RGS19: variants seen among roughly 807,000 people sequenced by gnomAD.
The protein encoded by RGS19 is G alpha interacting protein.
RGS19 carries 9 observed loss-of-function variants against 22.0 expected under a neutral mutation model. The ratio of observed to expected loss-of-function variants is 0.41; its 90% CI spans 0.25 to 0.71. RGS19 has a LOEUF of 0.71. Among genes scored for constraint, RGS19 ranks in the 30% least tolerant of loss-of-function variants. The pLI is 0.32. For missense variants in RGS19, 256 were observed against 307.1 expected (o/e 0.83, Z 1.24); for synonymous variants, 130 against 127.3 (o/e 1.02, Z -0.14).
chr20:64,078,155 G>A lies in RGS19; in HGVS notation c.-69+1139C>T, dbSNP rs941924459. Among the ~76,000 whole-genome samples the A allele has an allele frequency of 3.3e-5, 5 of 152,248 alleles. No individual in the cohort carries two copies. The East Asian group carries it at 9.6e-4, about 29-fold the overall frequency. ...AATGGCCCTCAGAAGAGACAGTGCT[G>A]GAGTTCTGCACTCTTAGGGCCCCCA... is the stretch of plus-strand genomic sequence containing the variant. On this transcript the variant is annotated intron_variant, in intron 1 of 5. Coordinates refer to ENST00000395042, the MANE Select transcript of RGS19 (RefSeq NM_005873.3).
At position 64,075,690 on chromosome 20, in the gene RGS19, C is replaced by G. The variant is rs2059899455; in HGVS notation, c.152+835G>C. On this transcript the variant is annotated intron_variant, in intron 3 of 5. Transcript: ENST00000395042. The surrounding 1 kb of genome is among the most constrained non-coding windows in gnomAD (Gnocchi z 4.6). ...AGGAAATCTGTTACCATCTGGGAGC[C>G]CCACTCCCACCCTCACAGGGATGCC... Among the ~76,000 whole-genome samples, 1 of 152,158 alleles carries G rather than the reference C, an allele frequency of 6.6e-6. No homozygotes were observed. The highest frequency in any genetic ancestry group is 2.1e-4 in the South Asian group (1 of 4,832).
intron 3 of RGS19, 65 bp from the exon 4 acceptor site, chr20:64,074,606 A>T (rs542653740): frequency 2.1e-6 from 3 of 1,451,178 alleles, no homozygotes; most frequent in African/African-American, 2.8e-5. Context: ...ACAGGCCCTC[A>T]GCACATGGGC....
intron 1 of RGS19, among the ~76,000 whole-genome samples, chr20:64,077,886 C>T (rs1160593693): frequency 6.6e-6 from 1 of 152,144 alleles, no homozygotes; most frequent in Non-Finnish European, 1.5e-5. Context: ...ACAGGGGGGC[C>T]AATCAGTGCC....
chr20:64,076,259 G>A (rs573006791), intron 3 of RGS19, among the ~76,000 whole-genome samples: 9 of 152,232 alleles, frequency 5.9e-5, no homozygotes, highest in Non-Finnish European at 7.3e-5. Flanking sequence ...AGCACATGCC[G>A]CGTGAACGGG....
At chr20:64,076,707 C>T in intron 2 of RGS19, 61 bp from the exon 3 acceptor site, 2 of 1,523,940 alleles carry the variant, frequency 1.3e-6, no homozygotes, top group South Asian at 1.2e-5. Flanking sequence ...CTCCACCTCT[C>T]CCCCACCTTC....
intron 1 of RGS19, among the ~76,000 whole-genome samples, chr20:64,078,289 A>T (rs1284602528): frequency 5.2e-5 from 1 of 19,336 alleles, no homozygotes; most frequent in Non-Finnish European, 1.4e-4. Flanking sequence ...GTTTCCTCTG[A>T]GACTGGGGGT....
Position 64,073,984 on chromosome 20 carries a change from G to T in RGS19, c.523C>A (p.His175Asn). The change falls in exon 6 of 6, where the codon CAC (histidine) becomes AAC (asparagine). Residue 175 changes from histidine (H) to asparagine (N), a missense_variant. Transcript: ENST00000395042. ...TGCAGCTGCGCGTCGTCGAACGTGT[G>T]TGCGGACGGCTCCTGCATCTTCTTG... ...INKKMQEPSA[H>N]TFDDAQLQIY... The T allele has an allele frequency of 1.3e-6, 2 of 1,586,962 alleles. No homozygotes were observed. The highest frequency in any genetic ancestry group is 8.6e-7 in the Non-Finnish European group (1 of 1,166,114).
intron 3 of RGS19, 144 bp downstream of exon 3, chr20:64,076,381 C>T (rs546966350): frequency 9.2e-6 from 12 of 1,305,024 alleles, no homozygotes; most frequent in Non-Finnish European, 1.2e-5. Context: ...GCCCAACAGA[C>T]CCTGGACAGG....
At chr20:64,077,749 T>C (rs868071756) in intron 1 of RGS19, among the ~76,000 whole-genome samples, 12 of 152,102 alleles carry the variant, frequency 7.9e-5, no homozygotes, top group Non-Finnish European at 5.9e-5. Context: ...TGTGGTGTGG[T>C]GCATGTCCCT....
In RGS19 at chr20:64,079,019, A is replaced by AG. The variant is rs1053526533; in HGVS notation, c.-69+274dup. ...AGAAAAAAATGTCATAACCTTTGGG[A>AG]GGGGGGTTGAAGAGGGGCTCCATTC... On this transcript the variant is annotated intron_variant, in intron 1 of 5. Coordinates refer to ENST00000395042, the MANE Select transcript of RGS19 (RefSeq NM_005873.3). This position sits in a 1 kb window ranked among gnomAD's most constrained non-coding sequence, Gnocchi z 5.1. 5.3e-5 allele frequency among the ~76,000 whole-genome samples: 8 copies of AG among 152,020 alleles called. No individual in the cohort carries two copies. The highest frequency in any genetic ancestry group is 1.9e-4 in the African/African-American group (8 of 41,398).
At chr20:64,079,931 C>T (rs1443746006), upstream of RGS19, 1 of 148,158 alleles carries the variant, frequency 6.7e-6, no homozygotes, top group African/African-American at 2.4e-5. The surrounding 1 kb of genome is among the most constrained non-coding windows in gnomAD (Gnocchi z 5.1). Flanking sequence ...AGGTCCGGCC[C>T]GACAGTCGGG....
rs1255956210 is a variant in RGS19, at chr20:64,077,939, C to G, written c.-68-985G>C. On this transcript the variant is annotated intron_variant, in intron 1 of 5. Coordinates refer to ENST00000395042, the MANE Select transcript of RGS19 (RefSeq NM_005873.3). The stretch of plus-strand genomic sequence containing the variant: ...CACCTGCGCCCACTTCTGCCCAGGG[C>G]AGGGAGGGGCCTCCGTGCACATCCG... 2.6e-5 allele frequency among the ~76,000 whole-genome samples: 4 copies of G among 152,174 alleles called. No individual in the cohort carries two copies. The East Asian group carries it at 7.7e-4, about 29-fold the overall frequency.
In RGS19 at chr20:64,076,583, C is replaced by G; in HGVS notation, c.94G>C (p.Ala32Pro). 1 of 1,612,508 alleles carries G rather than the reference C, an allele frequency of 6.2e-7. No homozygotes were observed. Among genetic ancestry groups the G allele is most frequent in the Non-Finnish European group, 8.5e-7 (1 of 1,179,702 alleles). The change falls in exon 3 of 6, where the codon GCG becomes CCG. Residue 32 changes from alanine to proline, a missense_variant. By Grantham distance (27) the Ala-to-Pro change is conservative. Coordinates refer to ENST00000395042, the MANE Select transcript of RGS19 (RefSeq NM_005873.3). Reference sequence around the variant, plus strand: ...CAGCAGGGGTTGCGGCTGGGGGCCGCTGGAGAGGCTGTATCATGACTGGAC... The same window carrying G: ...CAGCAGGGGTTGCGGCTGGGGGCCGGTGGAGAGGCTGTATCATGACTGGAC... The part of the protein sequence containing the change: ...SMSSHDTASP[A>P]APSRNPCCLC...
Position 64,076,658 on chromosome 20 carries a change from T to G in RGS19, c.31-12A>C. 6.3e-7 allele frequency: 1 copy of G among 1,591,918 alleles called. No homozygotes were observed. Among genetic ancestry groups the G allele is most frequent in the Non-Finnish European group, 8.6e-7 (1 of 1,168,674 alleles). ...TCTGGCCCTGTGATCTGGGGAAAAG[T>G]GGGGCTACCTCAGCTTTCAGGTCAG... On this transcript the variant is annotated splice_polypyrimidine_tract_variant and intron_variant, in intron 2 of 5. Coordinates refer to ENST00000395042, the MANE Select transcript of RGS19 (RefSeq NM_005873.3).
chr20:64,073,782 C>T lies in RGS19; in HGVS notation c.*71G>A, dbSNP rs866545744. The stretch of plus-strand genomic sequence containing the variant: ...CAGGCATGTGCCCTGACAGCCCTGC[C>T]GACAACAACACCTGAAGGGAACCCA... On this transcript the variant is annotated 3_prime_UTR_variant, in exon 6 of 6. Transcript: ENST00000395042. The T allele has an allele frequency of 1.5e-5, 21 of 1,389,310 alleles. No homozygotes were observed. Among genetic ancestry groups the T allele is most frequent in the African/African-American group, 5.7e-5 (4 of 69,982 alleles). The allele number at this position is 1,389,310 out of a possible 1,614,324, so 86.1% of individuals were successfully genotyped here.
chr20:64,074,096 T>A, intron 5 of RGS19, 48 bp downstream of exon 5: 1 of 1,602,912 alleles, frequency 6.2e-7, no homozygotes, highest in Admixed American at 1.7e-5. Flanking sequence ...CTTCCCCACC[T>A]AGTGCCTGGA....
At chr20:64,077,033 G>A in intron 1 of RGS19, 79 bp from the exon 2 acceptor site, 2 of 734,056 alleles carry the variant, frequency 2.7e-6, no homozygotes, top group Non-Finnish European at 4.2e-6. Context: ...GTCCTGAGAG[G>A]GTGTCTCCCT....
rs1382179951 is a variant in RGS19, at chr20:64,073,738, G to C, written c.*115C>G. The C allele has an allele frequency of 1.1e-6, 1 of 930,246 alleles. No homozygotes were observed. Among genetic ancestry groups the C allele is most frequent in the East Asian group, 2.6e-5 (1 of 38,608 alleles). The allele number at this position is 930,246 out of a possible 1,614,324, so 57.6% of individuals were successfully genotyped here. ...CACTGGGTCTAGGACCGTCTCCGCGGGTGGGGACCCCAGCCGGCCAGGCAT... is the reference window on the plus strand; with the variant it reads ...CACTGGGTCTAGGACCGTCTCCGCGCGTGGGGACCCCAGCCGGCCAGGCAT... On this transcript the variant is annotated 3_prime_UTR_variant, in exon 6 of 6. Transcript: ENST00000395042.
At chr20:64,077,035 T>C in intron 1 of RGS19, 81 bp from the exon 2 acceptor site, 1 of 729,014 alleles carries the variant, frequency 1.4e-6, no homozygotes, top group Non-Finnish European at 2.1e-6. Context: ...CCTGAGAGGG[T>C]GTCTCCCTAG....
Sources: gnomAD v4.1 joint callset for allele counts (sites outside exome capture counted in the v4.1 genomes callset) on GRCh38, gnomAD v4.1.1 for gene constraint, Gnocchi (gnomAD v3.1) non-coding constraint, MANE v1.5 for transcripts, NCBI Gene and HGNC (gene_info 2026-07-23, HGNC 2026-07-21) for gene names.